Variants in GPHN observed in about 807,000 individuals in gnomAD.
GPHN encodes gephyrin.
In GPHN, 17 loss-of-function variants were observed where a neutral mutation model predicts 95.5. The observed-to-expected ratio is 0.18, with a 90% CI of 0.12 to 0.27. The LOEUF (loss-of-function observed/expected upper bound fraction) is 0.27. GPHN is among the 10% of genes least tolerant of loss of function. The probability of loss-of-function intolerance (pLI) is 1.00; values close to 1 mark genes in which losing one functional copy is unlikely to be tolerated. For missense variants in GPHN, 660 were observed against 978.1 expected (o/e 0.67, Z 4.34); for synonymous variants, 320 against 322.5 (o/e 0.99, Z 0.08).
intron 2 of GPHN, among the ~76,000 whole-genome samples, chr14:66,708,832 T>C (rs1228525238): frequency 6.6e-6 from 1 of 152,128 alleles, no homozygotes; most frequent in Admixed American, 6.6e-5. Flanking sequence ...TAAACTTGCA[T>C]TTAGCAGCAA....
the GPHN span, among the ~76,000 whole-genome samples, chr14:67,539,803 T>A: frequency 6.6e-6 from 1 of 152,240 alleles, no homozygotes; most frequent in African/African-American, 2.4e-5. Flanking sequence ...TGTTCCTCAG[T>A]GTCCTCATGT....
At chr14:66,884,917 A>G (rs1319803727) in intron 5 of GPHN, among the ~76,000 whole-genome samples, 3 of 151,582 alleles carry the variant, frequency 2.0e-5, no homozygotes, top group East Asian at 3.9e-4. Flanking sequence ...TTACCATTGT[A>G]ATCTTCAGTG....
chr14:66,597,921 T>C (rs1016085651), intron 1 of GPHN, among the ~76,000 whole-genome samples: 2 of 152,178 alleles, frequency 1.3e-5, no homozygotes, highest in African/African-American at 2.4e-5. Context: ...AAACATGTTA[T>C]ATATACACAG....
the GPHN span, chr14:67,203,405 A>G: frequency 1.3e-4 from 106 of 831,388 alleles, no homozygotes; most frequent in African/African-American, 1.3e-3. Context: ...TGTTACTCGC[A>G]CTCCCTGCTG....
chr14:66,721,408 T>C (rs924560190), intron 2 of GPHN, among the ~76,000 whole-genome samples: 1 of 152,196 alleles, frequency 6.6e-6, no homozygotes, highest in Non-Finnish European at 1.5e-5. Context: ...GAATAACATA[T>C]TGACAAATTT....
intron 4 of GPHN, among the ~76,000 whole-genome samples, chr14:66,866,975 C>T (rs1265546371): frequency 6.6e-6 from 1 of 152,006 alleles, no homozygotes; most frequent in Non-Finnish European, 1.5e-5. Context: ...AATTTGTACT[C>T]TTTTCTTCCT....
chr14:66,729,745 TTAGCAACAG>T (rs1320494181), intron 2 of GPHN, among the ~76,000 whole-genome samples: 1 of 152,234 alleles, frequency 6.6e-6, no homozygotes, highest in East Asian at 1.9e-4. Flanking sequence ...ATAGATTAAT[TTAGCAACAG>T]TAGCAACAGT....
Position 66,549,845 on chromosome 14 carries a change from T to C in GPHN, c.64+41254T>C, listed in dbSNP as rs141994739. On this transcript the variant is annotated intron_variant, in intron 1 of 22. Transcript: ENST00000478722. Reference sequence around the variant, plus strand: ...TGCCATTAAAAATGATGCTAAGTCATTCTGCCTGTGCTGTATAAAGGGAAC... The same window carrying C: ...TGCCATTAAAAATGATGCTAAGTCACTCTGCCTGTGCTGTATAAAGGGAAC... Among the ~76,000 whole-genome samples, 143 of 152,340 alleles carry C rather than the reference T, an allele frequency of 9.4e-4. 1 individual carries two copies. The East Asian group carries it at 0.026, about 27-fold the overall frequency.
intron 1 of GPHN, among the ~76,000 whole-genome samples, chr14:66,516,566 A>G (rs996832917): frequency 6.6e-6 from 1 of 152,180 alleles, no homozygotes; most frequent in Non-Finnish European, 1.5e-5. Context: ...GCATCAGAAA[A>G]TGAGTGGATA....
At chr14:66,927,567 C>T (rs1213002079) in intron 8 of GPHN, among the ~76,000 whole-genome samples, 1 of 151,968 alleles carries the variant, frequency 6.6e-6, no homozygotes, top group African/African-American at 2.4e-5. Flanking sequence ...CTAGCACTTC[C>T]AATGCTATGT....
chr14:67,045,420 CTT>C (rs1434583247), intron 10 of GPHN, among the ~76,000 whole-genome samples: 2 of 151,458 alleles, frequency 1.3e-5, no homozygotes, highest in African/African-American at 2.4e-5. Context: ...GTCTCTCTCT[CTT>C]GTCTTTCTGT....
chr14:67,086,652 A>G (rs1366150921), intron 11 of GPHN, among the ~76,000 whole-genome samples: 3 of 149,086 alleles, frequency 2.0e-5, no homozygotes, highest in Admixed American at 1.3e-4. Context: ...TCTGTCTCAA[A>G]AAAAAAAAAA....
At chr14:67,066,228 T>C (rs2076053042) in intron 11 of GPHN, among the ~76,000 whole-genome samples, 1 of 152,230 alleles carries the variant, frequency 6.6e-6, no homozygotes, top group Non-Finnish European at 1.5e-5. Context: ...TTGAAAATTC[T>C]TTTCTTTAAG....
At chr14:66,635,570 A>T (rs1026612413) in intron 1 of GPHN, among the ~76,000 whole-genome samples, 5 of 152,202 alleles carry the variant, frequency 3.3e-5, no homozygotes, top group African/African-American at 1.2e-4. Context: ...TGCATGATTG[A>T]TAATCCACAC....
chr14:67,215,058 G>C, the GPHN span, among the ~76,000 whole-genome samples: 1 of 152,190 alleles, frequency 6.6e-6, no homozygotes, highest in Non-Finnish European at 1.5e-5. Context: ...AGCTTAAGGA[G>C]ATTCTGGGCT....
chr14:67,147,698 G>T (rs2080981898), intron 18 of GPHN, among the ~76,000 whole-genome samples: 2 of 152,094 alleles, frequency 1.3e-5, no homozygotes, highest in Admixed American at 6.5e-5. Flanking sequence ...CACCATGCCA[G>T]CCTAGAAGTT....
intron 1 of GPHN, among the ~76,000 whole-genome samples, chr14:66,638,003 G>A (rs899800678): frequency 2.0e-5 from 3 of 151,852 alleles, no homozygotes; most frequent in Non-Finnish European, 4.4e-5. Context: ...GTTTATTTCT[G>A]TACATATATA....
the GPHN span, among the ~76,000 whole-genome samples, chr14:67,464,804 A>G: frequency 0.024 from 3,682 of 152,298 alleles, 49 homozygotes; most frequent in Middle Eastern, 0.044. Context: ...GTGTGTTCTC[A>G]GCCTTCACAC....
intron 5 of GPHN, among the ~76,000 whole-genome samples, chr14:66,909,223 A>G (rs1174732871): frequency 2.6e-5 from 4 of 152,092 alleles, no homozygotes; most frequent in Non-Finnish European, 5.9e-5. Context: ...TAATCAAATA[A>G]TAACGGGATA....
Sources: gnomAD v4.1 joint callset for allele counts (sites outside exome capture counted in the v4.1 genomes callset) on GRCh38, gnomAD v4.1.1 for gene constraint, MANE v1.5 for transcripts, NCBI Gene and HGNC (gene_info 2026-07-23, HGNC 2026-07-21) for gene names.